Variants in RPS6KC1 observed in about 807,000 individuals in gnomAD.
RPS6KC1 encodes the protein ribosomal protein S6 kinase C1.
RPS6KC1 carries 54 observed loss-of-function variants against 103.8 expected under a neutral mutation model. The observed-to-expected ratio is 0.52, with a 90% CI of 0.42 to 0.65. RPS6KC1 has a LOEUF of 0.65. RPS6KC1 is among the 30% of genes least tolerant of loss of function. RPS6KC1 has a pLI of 0.00. For missense variants in RPS6KC1, 1,151 were observed against 1,253.8 expected, an observed-to-expected ratio of 0.92 and a Z score of 1.24; for synonymous variants, 439 against 438.7, an observed-to-expected ratio of 1.00 and a Z score of -0.01.
chr1:213,504,995 C>T, the RPS6KC1 span, among the ~76,000 whole-genome samples: 2 of 152,076 alleles, frequency 1.3e-5, no homozygotes, highest in Admixed American at 6.6e-5. Context: ...ACTAAGTTCC[C>T]CACAACCCCC....
the RPS6KC1 span, among the ~76,000 whole-genome samples, chr1:213,734,490 C>A: frequency 7.2e-5 from 11 of 152,164 alleles, no homozygotes; most frequent in African/African-American, 1.9e-4. Flanking sequence ...GGCCACAGAG[C>A]AGTTTGACTG....
the RPS6KC1 span, among the ~76,000 whole-genome samples, chr1:213,656,839 C>A: frequency 6.6e-6 from 1 of 152,216 alleles, no homozygotes; most frequent in African/African-American, 2.4e-5. Flanking sequence ...CTACTATTCA[C>A]AACGATCATT....
the RPS6KC1 span, among the ~76,000 whole-genome samples, chr1:213,451,454 A>T: frequency 6.6e-6 from 1 of 152,202 alleles, no homozygotes; most frequent in East Asian, 1.9e-4. Flanking sequence ...TGCAGTTGAC[A>T]GAAGATTGCA....
At chr1:213,180,123 T>C (rs1167426540) in intron 8 of RPS6KC1, among the ~76,000 whole-genome samples, 2 of 152,076 alleles carry the variant, frequency 1.3e-5, no homozygotes, top group Non-Finnish European at 2.9e-5. Context: ...AAATTGTATA[T>C]GAAGAATAGC....
At chr1:213,827,391 A>G in the RPS6KC1 span, among the ~76,000 whole-genome samples, 5 of 152,200 alleles carry the variant, frequency 3.3e-5, no homozygotes, top group African/African-American at 1.2e-4. Context: ...GGCAGGTCCC[A>G]CAGGAGGAAC....
the RPS6KC1 span, among the ~76,000 whole-genome samples, chr1:213,523,392 C>T: frequency 6.6e-6 from 1 of 152,110 alleles, no homozygotes; most frequent in East Asian, 1.9e-4. Flanking sequence ...ATGAAATGAG[C>T]CCATGCTGCT....
chr1:213,060,735 T>C (rs894159101), intron 1 of RPS6KC1, among the ~76,000 whole-genome samples: 2 of 152,214 alleles, frequency 1.3e-5, no homozygotes, highest in South Asian at 4.1e-4. Context: ...CTGCTATAAT[T>C]GGTAAAATTT....
At chr1:213,607,912 A>T in the RPS6KC1 span, among the ~76,000 whole-genome samples, 6 of 152,074 alleles carry the variant, frequency 3.9e-5, no homozygotes, top group African/African-American at 7.2e-5. Context: ...TAATGCTTAG[A>T]GGGGCTCTTC....
rs2091874353 is a variant in RPS6KC1 at position 213,176,416 on chromosome 1, G to A, written c.968G>A (p.Ser323Asn). The A allele has an allele frequency of 6.2e-7, 1 of 1,606,598 alleles. No homozygotes were observed. The highest frequency in any genetic ancestry group is 8.5e-7 in the Non-Finnish European group (1 of 1,174,568). Residue 323 changes from serine to asparagine, a missense_variant, in exon 8 of 15, where the codon AGT becomes AAT. By Grantham distance (46) the Ser-to-Asn change is conservative (BLOSUM62 1). Coordinates refer to ENST00000366960, the MANE Select transcript of RPS6KC1 (RefSeq NM_012424.6). Reference sequence around the variant, plus strand: ...TTCCATTAGCCTCCAGGATCACTAAGTTCAAGGCCCCTTTGGAACCTAAGG... The same window carrying A: ...TTCCATTAGCCTCCAGGATCACTAAATTCAAGGCCCCTTTGGAACCTAAGG... ...DDVSQPPGSLSSRPLWNLRSP... is the reference protein window; with the variant it reads ...DDVSQPPGSLNSRPLWNLRSP...
At chr1:213,078,231 C>CTTTTTTTTTTTTTTTTTTTTTTTT (rs11416944) in intron 3 of RPS6KC1, among the ~76,000 whole-genome samples, 1 of 128,354 alleles carries the variant, frequency 7.8e-6, no homozygotes. Flanking sequence ...CCTTAGTATT[C>CTTTTTTTTTTTTTTTTTTTTTTTT]TTTTTTTTTT....
chr1:213,659,338 C>G, the RPS6KC1 span, among the ~76,000 whole-genome samples: 1 of 152,154 alleles, frequency 6.6e-6, no homozygotes, highest in South Asian at 2.1e-4. Context: ...TCCATCCTTT[C>G]TTATTCTGAT....
chr1:213,608,908 C>T, the RPS6KC1 span, among the ~76,000 whole-genome samples: 2 of 152,014 alleles, frequency 1.3e-5, no homozygotes, highest in African/African-American at 4.8e-5. Context: ...TTGACTATTT[C>T]TTGGTTGTTT....
chr1:213,647,372 A>T, the RPS6KC1 span, among the ~76,000 whole-genome samples: 1 of 152,208 alleles, frequency 6.6e-6, no homozygotes. Context: ...TTTCACTCCT[A>T]TAAATAAGGT....
the RPS6KC1 span, among the ~76,000 whole-genome samples, chr1:213,372,528 T>C: frequency 6.6e-6 from 1 of 152,232 alleles, no homozygotes; most frequent in Non-Finnish European, 1.5e-5. Context: ...CTGTGTGAGT[T>C]CAGCAGCAAT....
chr1:213,848,554 A>G, the RPS6KC1 span, among the ~76,000 whole-genome samples: 3 of 152,100 alleles, frequency 2.0e-5, no homozygotes, highest in African/African-American at 7.2e-5. Flanking sequence ...ACACATATAG[A>G]CACACACATA....
chr1:213,757,708 C>T, the RPS6KC1 span, among the ~76,000 whole-genome samples: 23 of 152,302 alleles, frequency 1.5e-4, no homozygotes, highest in South Asian at 1.7e-3. Flanking sequence ...AAGACAAACT[C>T]GCCTTCTATT....
At chr1:213,143,483 C>T (rs546470870) in intron 6 of RPS6KC1, among the ~76,000 whole-genome samples, 1 of 151,852 alleles carries the variant, frequency 6.6e-6, no homozygotes, top group South Asian at 2.1e-4. Context: ...ATTCTACTTA[C>T]ATGAAGTCTG....
At chr1:213,729,119 T>C in the RPS6KC1 span, among the ~76,000 whole-genome samples, 2 of 152,130 alleles carry the variant, frequency 1.3e-5, no homozygotes, top group Admixed American at 1.3e-4. Context: ...TTCACAATAG[T>C]GAACGGACAA....
At chr1:213,622,105 A>T in the RPS6KC1 span, among the ~76,000 whole-genome samples, 1 of 152,060 alleles carries the variant, frequency 6.6e-6, no homozygotes, top group African/African-American at 2.4e-5. Flanking sequence ...AGAGTTCCAG[A>T]CACTGAGGTG....
Sources: allele counts gnomAD v4.1 joint callset (sites outside exome capture counted in the v4.1 genomes callset), GRCh38; gene constraint gnomAD v4.1.1; transcripts MANE v1.5; gene names NCBI Gene and HGNC (gene_info 2026-07-23, HGNC 2026-07-21).